The following COL4A3 variants were observed in gnomAD, a reference collection of about 807,000 sequenced individuals.
The protein encoded by COL4A3 is collagen alpha-3(IV) chain.
In COL4A3, 135 loss-of-function variants were observed where a neutral mutation model predicts 217.4. That is an observed-to-expected ratio of 0.62 (90% CI 0.54 to 0.72). COL4A3 has a LOEUF of 0.72. COL4A3 is among the 30% of genes least tolerant of loss of function. The probability of loss-of-function intolerance (pLI) is 0.00; values close to 1 mark genes in which losing one functional copy is unlikely to be tolerated. For synonymous variants in COL4A3, 690 were observed against 736.3 expected (o/e 0.94, Z 1.02); for missense variants, 1,868 against 2,119.9 (o/e 0.88, Z 2.33).
intron 23 of COL4A3, among the ~76,000 whole-genome samples, chr2:227,268,187 C>A (rs377542822): frequency 6.6e-6 from 1 of 152,176 alleles, no homozygotes; most frequent in African/African-American, 2.4e-5. Context: ...GTGTGTTGGG[C>A]GCTGTTCTAA....
intron 1 of COL4A3, among the ~76,000 whole-genome samples, chr2:227,200,994 A>G (rs999895359): frequency 2.0e-5 from 3 of 152,210 alleles, no homozygotes; most frequent in African/African-American, 7.2e-5. Context: ...GTTCTTCTTA[A>G]ATTAAGTTTA....
At chr2:227,305,664 A>G (rs1574836707) in intron 47 of COL4A3, 1 of 13,956 alleles carries the variant, frequency 7.2e-5, no homozygotes, top group African/African-American at 1.5e-4. Context: ...CTCTGTCTCA[A>G]AAAAAAAAAA....
rs764806404 is a variant in COL4A3 at position 227,310,955 on chromosome 2, A to G, written c.4928+7A>G. On this transcript the variant is annotated splice_region_variant and intron_variant, in intron 51 of 51. Coordinates refer to ENST00000396578, the MANE Select transcript of COL4A3 (RefSeq NM_000091.5). Reference sequence around the variant, plus strand: ...ACCCAGAAAGAATGTTCAGGTAACTATTCACCATCAAGCTTAATCTGATGA... The same window carrying G: ...ACCCAGAAAGAATGTTCAGGTAACTGTTCACCATCAAGCTTAATCTGATGA... 6.2e-7 allele frequency: 1 copy of G among 1,612,978 alleles called. No homozygotes were observed. The highest frequency in any genetic ancestry group is 1.1e-5 in the South Asian group (1 of 91,034).
chr2:227,300,137 C>G (rs1315534315), intron 43 of COL4A3, among the ~76,000 whole-genome samples: 30 of 152,182 alleles, frequency 2.0e-4, no homozygotes, highest in Admixed American at 2.0e-3. Context: ...AATATAGCCT[C>G]TGGAATGAAC....
chr2:227,235,047 G>T (rs976921649), intron 1 of COL4A3, among the ~76,000 whole-genome samples: 2 of 152,122 alleles, frequency 1.3e-5, no homozygotes, highest in African/African-American at 4.8e-5. Flanking sequence ...CCAGTATCTT[G>T]TACCCTTGGG....
At chr2:227,248,611 C>T in intron 9 of COL4A3, 91 bp downstream of exon 9, 1 of 835,100 alleles carries the variant, frequency 1.2e-6, no homozygotes, top group Non-Finnish European at 2.1e-6. Context: ...CTCTTTTCCC[C>T]CATAAGTCCC....
chr2:227,247,487 G>A, intron 7 of COL4A3, 71 bp from the exon 8 acceptor site: 1 of 1,425,688 alleles, frequency 7.0e-7, no homozygotes, highest in Non-Finnish European at 9.9e-7. Context: ...AGCAGAGAGG[G>A]CAGAGCAGAC....
At chr2:227,236,677 T>TTTTA (rs1481503630) in intron 1 of COL4A3, among the ~76,000 whole-genome samples, 1 of 151,866 alleles carries the variant, frequency 6.6e-6, no homozygotes. Flanking sequence ...TTTCTTTTTT[T>TTTTA]GAGACAGAGT....
At chr2:227,217,190 C>T (rs2067557802) in intron 1 of COL4A3, among the ~76,000 whole-genome samples, 1 of 152,144 alleles carries the variant, frequency 6.6e-6, no homozygotes, top group Non-Finnish European at 1.5e-5. Flanking sequence ...ATGAAACCAT[C>T]AGCTCTCATG....
At chr2:227,260,783 T>G (rs541543285) in intron 19 of COL4A3, among the ~76,000 whole-genome samples, 1 of 152,294 alleles carries the variant, frequency 6.6e-6, no homozygotes, top group African/African-American at 2.4e-5. Context: ...CTGTTTGATT[T>G]TCTGGTGTCT....
chr2:227,270,681 T>TG (rs1301880465), intron 24 of COL4A3, 89 bp from the exon 25 acceptor site: 1 of 1,308,632 alleles, frequency 7.6e-7, no homozygotes, highest in African/African-American at 1.5e-5. Flanking sequence ...ATGTTAAAAT[T>TG]GAAAAGTTCT....
At chr2:227,260,123 A>G (rs984731387) in intron 19 of COL4A3, 25 of 655,156 alleles carry the variant, frequency 3.8e-5, no homozygotes, top group African/African-American at 3.4e-4. Flanking sequence ...TCTGTCATGG[A>G]AACATTTGCT....
intron 25 of COL4A3, 68 bp downstream of exon 25, chr2:227,271,020 C>G (rs569220998): frequency 6.5e-7 from 1 of 1,542,040 alleles, no homozygotes; most frequent in East Asian, 2.3e-5. Context: ...AAAGTGATTT[C>G]TTTTCCAAAA....
Position 227,311,855 on chromosome 2 carries a change from GAAGAA to G in COL4A3, c.5003_5007del (p.Lys1668ThrfsTer27). ...TAATAAGTCGCTGTCAGGTGTGCAT[GAAGAA>G]AAGACACTGAAGCTAAAAAAGACAG... On this transcript the variant is annotated frameshift_variant, in exon 52 of 52. Transcript: ENST00000396578. LOFTEE classifies it high-confidence loss of function. 2 of 1,613,976 alleles carry G rather than the reference GAAGAA, an allele frequency of 1.2e-6. No homozygotes were observed. Among genetic ancestry groups the G allele is most frequent in the Non-Finnish European group, 1.7e-6 (2 of 1,179,916 alleles).
At chr2:227,278,925 G>A (rs1290582698) in intron 28 of COL4A3, among the ~76,000 whole-genome samples, 1 of 152,184 alleles carries the variant, frequency 6.6e-6, no homozygotes, top group Admixed American at 6.5e-5. Flanking sequence ...AGAGATCACA[G>A]AAAGTGTGTT....
chr2:227,228,611 T>C (rs1229939294), intron 1 of COL4A3: 1 of 152,108 alleles, frequency 6.6e-6, no homozygotes, highest in East Asian at 1.9e-4. Context: ...TTCACCAGCA[T>C]GCACAGGAAC....
intron 1 of COL4A3, among the ~76,000 whole-genome samples, chr2:227,220,415 T>C (rs1356218706): frequency 6.6e-6 from 1 of 151,964 alleles, no homozygotes; most frequent in Non-Finnish European, 1.5e-5. Context: ...ACTACTGACC[T>C]CAAGTGATCC....
chr2:227,192,765 C>T (rs1390757122), intron 1 of COL4A3, among the ~76,000 whole-genome samples: 1 of 152,142 alleles, frequency 6.6e-6, no homozygotes, highest in African/African-American at 2.4e-5. Context: ...CATGAATGAA[C>T]AATCCTTGAC....
chr2:227,254,607 T>TA (rs767485384), intron 14 of COL4A3, 49 bp from the exon 15 acceptor site: 41 of 1,381,184 alleles, frequency 3.0e-5, no homozygotes, highest in Admixed American at 6.7e-5. Context: ...TCAATGTAAG[T>TA]AAAAAAATCA....
Sources: gnomAD v4.1 joint callset for allele counts (sites outside exome capture counted in the v4.1 genomes callset) on GRCh38, gnomAD v4.1.1 for gene constraint, MANE v1.5 for transcripts, NCBI Gene and HGNC (gene_info 2026-07-23, HGNC 2026-07-21) for gene names.